Variants in CRTAC1 observed in about 807,000 individuals in gnomAD.
The protein encoded by CRTAC1 is acidic secreted protein in cartilage.
In CRTAC1, 37 loss-of-function variants were observed where a neutral mutation model predicts 67.8. That is an observed-to-expected ratio of 0.55 (90% CI 0.42 to 0.72). The LOEUF (loss-of-function observed/expected upper bound fraction) is 0.72. Ranked by LOEUF, CRTAC1 falls within the 30% of genes least tolerant of loss-of-function variation. The pLI is 0.00. For missense variants in CRTAC1, 780 were observed against 931.6 expected (o/e 0.84, Z 2.12); for synonymous variants, 348 against 371.0 (o/e 0.94, Z 0.71).
intron 2 of CRTAC1, among the ~76,000 whole-genome samples, chr10:97,987,600 G>A (rs2052003660): frequency 6.6e-6 from 1 of 152,214 alleles, no homozygotes. Context: ...TGTGAGCGGC[G>A]TTTATGTGCA....
chr10:97,977,999 C>A lies in CRTAC1; in HGVS notation c.224+33139G>T, dbSNP rs190721233. Among the ~76,000 whole-genome samples the A allele has an allele frequency of 8.5e-5, 13 of 152,270 alleles. No homozygotes were observed. The East Asian group carries it at 2.5e-3, about 29-fold the overall frequency. Reference sequence around the variant, plus strand: ...ATATCAGTATCTGAAAGAACTTCAGCCTCTGATCCTGGACTGCTGGGTGGA... The same window carrying A: ...ATATCAGTATCTGAAAGAACTTCAGACTCTGATCCTGGACTGCTGGGTGGA... On this transcript the variant is annotated intron_variant, in intron 2 of 14. Coordinates refer to ENST00000370597, the MANE Select transcript of CRTAC1 (RefSeq NM_018058.7).
At chr10:98,005,827 C>T (rs1192519174) in intron 2 of CRTAC1, among the ~76,000 whole-genome samples, 2 of 151,960 alleles carry the variant, frequency 1.3e-5, no homozygotes, top group Non-Finnish European at 2.9e-5. Flanking sequence ...ATTAATTTGG[C>T]AATTGAATAC....
At chr10:97,918,788 G>GTTTTTTGT (rs2050794960) in intron 4 of CRTAC1, among the ~76,000 whole-genome samples, 1 of 88,210 alleles carries the variant, frequency 1.1e-5, no homozygotes, top group Admixed American at 1.5e-4. Flanking sequence ...GTTTTTTGGT[G>GTTTTTTGT]TTTTTTGTTT....
At chr10:97,984,016 C>G (rs1163829577) in intron 2 of CRTAC1, among the ~76,000 whole-genome samples, 1 of 152,218 alleles carries the variant, frequency 6.6e-6, no homozygotes, top group Non-Finnish European at 1.5e-5. Context: ...TACATGTTCT[C>G]TTATTTTAGA....
chr10:97,971,045 C>T (rs531781767), intron 2 of CRTAC1, among the ~76,000 whole-genome samples: 1 of 152,364 alleles, frequency 6.6e-6, no homozygotes, highest in East Asian at 1.9e-4. Flanking sequence ...TGACATGCTA[C>T]ATCGCTAGTA....
intron 7 of CRTAC1, among the ~76,000 whole-genome samples, chr10:97,903,909 G>A (rs2050574539): frequency 6.6e-6 from 1 of 152,082 alleles, no homozygotes; most frequent in East Asian, 1.9e-4. Context: ...GTCTTTAGGG[G>A]CAGCTGTTGG....
Position 97,884,273 on chromosome 10 carries a change from A to G in CRTAC1, c.1565T>C (p.Met522Thr). 4 of 1,560,286 alleles carry G rather than the reference A, an allele frequency of 2.6e-6. No individual in the cohort carries two copies. The highest frequency in any genetic ancestry group is 3.5e-6 in the Non-Finnish European group (4 of 1,151,400). The part of the protein sequence containing the change: ...MVSRNVASGE[M>T]NSVLEILYPR... ...GTAGAGGATCTCCAGCACTGAGTTC[A>G]TCTCCCCGCTGGCCACGTTCCGGCT... is the stretch of plus-strand genomic sequence containing the variant. Residue 522 changes from methionine (M) to threonine (T), a missense_variant, in exon 12 of 15, where the codon ATG becomes ACG. Met to Thr is a moderately conservative substitution (Grantham distance 81). Transcript: ENST00000370597.
At chr10:97,922,976 C>T (rs1431119444) in intron 4 of CRTAC1, among the ~76,000 whole-genome samples, 1 of 152,138 alleles carries the variant, frequency 6.6e-6, no homozygotes, top group Non-Finnish European at 1.5e-5. Context: ...GCTTTGGGCT[C>T]CCATGCAAGT....
intron 2 of CRTAC1, among the ~76,000 whole-genome samples, chr10:97,974,267 C>A (rs1438855071): frequency 6.6e-6 from 1 of 152,162 alleles, no homozygotes; most frequent in African/African-American, 2.4e-5. Context: ...GTAGGGAGGA[C>A]TGGGTACAGC....
chr10:97,989,717 G>C (rs1320096254), intron 2 of CRTAC1, among the ~76,000 whole-genome samples: 1 of 152,212 alleles, frequency 6.6e-6, no homozygotes, highest in Non-Finnish European at 1.5e-5. Context: ...CTATGAAGTA[G>C]GCTATTAGCT....
chr10:97,989,283 C>T (rs956700083), intron 2 of CRTAC1, among the ~76,000 whole-genome samples: 4 of 152,184 alleles, frequency 2.6e-5, no homozygotes, highest in Non-Finnish European at 5.9e-5. Context: ...CCCCACCCAA[C>T]GCACACACAG....
chr10:97,996,706 C>T (rs1321792674), intron 2 of CRTAC1, among the ~76,000 whole-genome samples: 1 of 152,138 alleles, frequency 6.6e-6, no homozygotes, highest in Admixed American at 6.5e-5. Flanking sequence ...ACTAGAAATA[C>T]CATTTGACCC....
chr10:97,881,089 C>CG (rs1306685710), intron 13 of CRTAC1, among the ~76,000 whole-genome samples: 1 of 152,096 alleles, frequency 6.6e-6, no homozygotes, highest in Non-Finnish European at 1.5e-5. Context: ...CTGGCTTCCC[C>CG]TCTTCCCTCC....
chr10:97,997,005 T>C (rs1842588134), intron 2 of CRTAC1, among the ~76,000 whole-genome samples: 1 of 142,982 alleles, frequency 7.0e-6, no homozygotes, highest in African/African-American at 2.6e-5. Context: ...AAACACCGCA[T>C]GTTCTCACTC....
At chr10:97,964,236 T>C (rs1222896946) in intron 2 of CRTAC1, among the ~76,000 whole-genome samples, 3 of 152,176 alleles carry the variant, frequency 2.0e-5, no homozygotes, top group Admixed American at 6.5e-5. Flanking sequence ...TTTCCTGAAG[T>C]GTGGTCCTCA....
At chr10:97,939,079 C>A (rs975142481) in intron 2 of CRTAC1, among the ~76,000 whole-genome samples, 1 of 152,150 alleles carries the variant, frequency 6.6e-6, no homozygotes, top group African/African-American at 2.4e-5. Flanking sequence ...ACCATAGAAG[C>A]CCAGCACTGA....
At chr10:97,988,608 T>A (rs1712992519) in intron 2 of CRTAC1, among the ~76,000 whole-genome samples, 1 of 152,148 alleles carries the variant, frequency 6.6e-6, no homozygotes, top group South Asian at 2.1e-4. Context: ...TAATCCCAAC[T>A]ACTCGGGAGG....
chr10:97,977,518 T>C (rs916877113), intron 2 of CRTAC1, among the ~76,000 whole-genome samples: 3 of 147,526 alleles, frequency 2.0e-5, no homozygotes, highest in Non-Finnish European at 2.9e-5. Flanking sequence ...ATGTTCCTGC[T>C]GTTAAAAAGA....
intron 1 of CRTAC1, among the ~76,000 whole-genome samples, chr10:98,023,995 C>T (rs1843173456): frequency 1.3e-5 from 2 of 152,378 alleles, no homozygotes; most frequent in South Asian, 4.1e-4. Context: ...CAGGCCTGTT[C>T]CCCTTCCTAA....
Sources: gnomAD v4.1 joint callset for allele counts (sites outside exome capture counted in the v4.1 genomes callset) on GRCh38, gnomAD v4.1.1 for gene constraint, MANE v1.5 for transcripts, NCBI Gene and HGNC (gene_info 2026-07-23, HGNC 2026-07-21) for gene names.